Variants in DOCK3 observed in about 807,000 individuals in gnomAD.
DOCK3 encodes the protein dedicator of cytokinesis protein 3.
A neutral mutation model predicts 265.6 loss-of-function variants in DOCK3; 60 were observed. The observed-to-expected ratio is 0.23, with a 90% CI of 0.18 to 0.28. DOCK3 has a LOEUF of 0.28. Ranked by LOEUF, DOCK3 falls within the 10% of genes least tolerant of loss-of-function variation. DOCK3 has a pLI of 1.00. For missense variants in DOCK3, 1,981 were observed against 2,594.3 expected, an observed-to-expected ratio of 0.76 and a Z score of 5.14; for synonymous variants, 881 against 938.0, an observed-to-expected ratio of 0.94 and a Z score of 1.11.
At chr3:51,379,613 C>CA (rs1249419138) in intron 51 of DOCK3, 1 of 985,372 alleles carries the variant, frequency 1.0e-6, no homozygotes, top group Non-Finnish European at 1.2e-6. Context: ...TCCCTGGTCT[C>CA]AGACTCTGCT....
At chr3:50,953,759 CAA>C (rs751693483) in intron 5 of DOCK3, among the ~76,000 whole-genome samples, 8 of 151,994 alleles carry the variant, frequency 5.3e-5, no homozygotes, top group Non-Finnish European at 1.0e-4. Flanking sequence ...GCAGAGTGGG[CAA>C]AGAGAGTGAA....
chr3:51,032,360 C>G (rs896345819), intron 5 of DOCK3, among the ~76,000 whole-genome samples: 1 of 152,140 alleles, frequency 6.6e-6, no homozygotes, highest in Non-Finnish European at 1.5e-5. Context: ...AATTGATACA[C>G]TACTAAACTT....
intron 3 of DOCK3, among the ~76,000 whole-genome samples, chr3:50,842,007 T>G (rs1465631431): frequency 1.3e-5 from 2 of 152,152 alleles, no homozygotes; most frequent in African/African-American, 4.8e-5. Context: ...CATTGACTTA[T>G]TCACAGGCCT....
At chr3:51,356,319 G>T in intron 42 of DOCK3, 64 bp downstream of exon 42, 2 of 1,611,964 alleles carry the variant, frequency 1.2e-6, no homozygotes, top group South Asian at 2.2e-5. Context: ...CAACTTCCTT[G>T]GGAACTCACC....
At chr3:50,890,227 GAAT>G (rs2048575616) in intron 4 of DOCK3, 146 bp downstream of exon 4, 1 of 567,060 alleles carries the variant, frequency 1.8e-6, no homozygotes, top group Non-Finnish European at 2.8e-6. Context: ...AATTTTGAGG[GAAT>G]AATGTTTTCT....
At chr3:51,319,874 A>AAAC (rs530408866) in intron 32 of DOCK3, among the ~76,000 whole-genome samples, 7 of 148,702 alleles carry the variant, frequency 4.7e-5, no homozygotes, top group Non-Finnish European at 9.0e-5. Flanking sequence ...AAAAAAAAAC[A>AAAC]AACAACAACA....
chr3:51,016,565 A>G (rs1260942774), intron 5 of DOCK3, among the ~76,000 whole-genome samples: 1 of 83,116 alleles, frequency 1.2e-5, no homozygotes, highest in Non-Finnish European at 2.1e-5. Flanking sequence ...ATCATATATT[A>G]TATATATATT....
chr3:51,089,214 A>G (rs2082541429), intron 7 of DOCK3, 29 bp from the exon 8 acceptor site: 1 of 1,588,386 alleles, frequency 6.3e-7, no homozygotes, highest in African/African-American at 1.3e-5. Context: ...TTCCCGGTAG[A>G]GTTTATTTTT....
intron 14 of DOCK3, among the ~76,000 whole-genome samples, chr3:51,222,899 TTC>T (rs2090164121): frequency 6.6e-6 from 1 of 152,192 alleles, no homozygotes; most frequent in Non-Finnish European, 1.5e-5. Flanking sequence ...ACAGATCAAA[TTC>T]TGTCATTAAC....
intron 23 of DOCK3, among the ~76,000 whole-genome samples, chr3:51,266,089 G>A (rs938908106): frequency 2.6e-5 from 4 of 152,036 alleles, no homozygotes; most frequent in African/African-American, 9.7e-5. Flanking sequence ...TTGCTACAAA[G>A]ATAATAAAAT....
intron 2 of DOCK3, chr3:50,787,849 C>A: frequency 9.0e-7 from 1 of 1,105,710 alleles, no homozygotes; most frequent in South Asian, 1.3e-5. Flanking sequence ...GAACAGGAGT[C>A]TCTTTGGATT....
intron 4 of DOCK3, among the ~76,000 whole-genome samples, chr3:50,909,833 T>A (rs2049770575): frequency 6.6e-6 from 1 of 151,948 alleles, no homozygotes. Flanking sequence ...AGTTCTGTTC[T>A]CTCCATCTCT....
intron 1 of DOCK3, among the ~76,000 whole-genome samples, chr3:50,702,464 A>G (rs1241847289): frequency 1.3e-5 from 2 of 152,164 alleles, no homozygotes; most frequent in East Asian, 1.9e-4. Context: ...GCTGAGTTCA[A>G]GCGATTCTCC....
intron 12 of DOCK3, among the ~76,000 whole-genome samples, chr3:51,191,168 G>T (rs758052510): frequency 2.0e-5 from 3 of 151,862 alleles, no homozygotes; most frequent in Non-Finnish European, 2.9e-5. Context: ...GGGCTTTCAC[G>T]CTACACCCCT....
chr3:50,835,106 CT>C (rs934398598), intron 2 of DOCK3, among the ~76,000 whole-genome samples: 2 of 152,116 alleles, frequency 1.3e-5, no homozygotes, highest in African/African-American at 2.4e-5. Flanking sequence ...CACACACAGA[CT>C]TTTTTTACAA....
At chr3:51,366,941 A>G (rs9872991) in intron 49 of DOCK3, among the ~76,000 whole-genome samples, 18,683 of 152,078 alleles carry the variant, frequency 0.12, 2,326 homozygotes, top group East Asian at 0.34. Flanking sequence ...GGTGTGGTGT[A>G]GTGCTGAGAA....
intron 5 of DOCK3, among the ~76,000 whole-genome samples, chr3:51,029,699 AACTCCCTGGGGATCCAAC>A: frequency 6.6e-6 from 1 of 152,270 alleles, no homozygotes; most frequent in Middle Eastern, 3.4e-3. Flanking sequence ...GGGGACCCAC[AACTCCCTGGGGATCCAAC>A]AGTCCCTCAT....
At chr3:51,018,451 T>A (rs2079448949) in intron 5 of DOCK3, among the ~76,000 whole-genome samples, 1 of 150,266 alleles carries the variant, frequency 6.7e-6, no homozygotes, top group African/African-American at 2.5e-5. Flanking sequence ...GTTTTTTTTT[T>A]TTAAGTAAAA....
intron 2 of DOCK3, among the ~76,000 whole-genome samples, chr3:50,803,246 G>A (rs1335505933): frequency 6.6e-6 from 1 of 151,842 alleles, no homozygotes; most frequent in East Asian, 1.9e-4. Flanking sequence ...TGTGTCCCTG[G>A]GTACTTGAGA....
Sources: allele counts gnomAD v4.1 joint callset (sites outside exome capture counted in the v4.1 genomes callset), GRCh38; gene constraint gnomAD v4.1.1; transcripts MANE v1.5; gene names NCBI Gene and HGNC (gene_info 2026-07-23, HGNC 2026-07-21).